The following GPC5 variants were observed in gnomAD, a reference collection of about 807,000 sequenced individuals.
GPC5 encodes glypican-5.
In GPC5, 47 loss-of-function variants were observed where a neutral mutation model predicts 53.9. That is an observed-to-expected ratio of 0.87 (90% CI 0.69 to 1.11). The LOEUF (loss-of-function observed/expected upper bound fraction) is 1.11. Ranked by LOEUF, GPC5 falls within the 50% of genes most tolerant of loss-of-function variation. The pLI, the probability that GPC5 is intolerant of heterozygous loss-of-function variation, is 0.00. For synonymous variants in GPC5, 286 were observed against 263.3 expected (o/e 1.09, Z -0.84); for missense variants, 748 against 713.1 (o/e 1.05, Z -0.56).
chr13:91,663,949 C>T (rs1429537567), intron 2 of GPC5, among the ~76,000 whole-genome samples: 2 of 152,136 alleles, frequency 1.3e-5, no homozygotes, highest in Non-Finnish European at 2.9e-5. Flanking sequence ...GTATCTGGGT[C>T]CACAGGTGCA....
intron 3 of GPC5, among the ~76,000 whole-genome samples, chr13:91,723,863 A>G (rs2036525071): frequency 1.3e-5 from 2 of 152,206 alleles, no homozygotes; most frequent in African/African-American, 4.8e-5. Context: ...AATCTAATGT[A>G]TCTGGGACAT....
intron 7 of GPC5, among the ~76,000 whole-genome samples, chr13:92,626,827 G>T (rs1034417708): frequency 1.3e-5 from 2 of 152,158 alleles, no homozygotes; most frequent in African/African-American, 2.4e-5. Context: ...GTGGTTGAAA[G>T]CTTAGACTTA....
At chr13:92,805,884 C>T (rs1028637622) in intron 7 of GPC5, among the ~76,000 whole-genome samples, 32 of 152,036 alleles carry the variant, frequency 2.1e-4, no homozygotes, top group African/African-American at 7.2e-4. Context: ...TTGTTAAGGG[C>T]CTTAGGATTT....
intron 5 of GPC5, among the ~76,000 whole-genome samples, chr13:91,905,603 C>T (rs1236016287): frequency 1.3e-5 from 2 of 152,048 alleles, no homozygotes; most frequent in Admixed American, 1.3e-4. Context: ...TGATCCACTT[C>T]TTAAAACTGG....
chr13:91,580,838 T>C (rs2032334257), intron 2 of GPC5, among the ~76,000 whole-genome samples: 1 of 152,228 alleles, frequency 6.6e-6, no homozygotes, highest in South Asian at 2.1e-4. Flanking sequence ...TATGTATTAG[T>C]CCATTTTCAC....
intron 2 of GPC5, among the ~76,000 whole-genome samples, chr13:91,532,485 C>A (rs1169699195): frequency 6.6e-6 from 1 of 152,106 alleles, no homozygotes; most frequent in African/African-American, 2.4e-5. Context: ...CCATTTATAT[C>A]AGTTGTTTCA....
intron 6 of GPC5, among the ~76,000 whole-genome samples, chr13:92,024,536 A>G (rs1383705256): frequency 6.6e-6 from 1 of 152,104 alleles, no homozygotes; most frequent in African/African-American, 2.4e-5. Context: ...AACTGTTTCT[A>G]TTCTTATCTC....
chr13:91,798,978 T>C (rs1335864674), intron 5 of GPC5, among the ~76,000 whole-genome samples: 3 of 152,226 alleles, frequency 2.0e-5, no homozygotes, highest in Non-Finnish European at 4.4e-5. Context: ...GGACTTTTTT[T>C]CATATGTTTA....
Position 92,135,145 on chromosome 13 carries a change from C to A in GPC5, c.1402-9685C>A, listed in dbSNP as rs561053284. Among the ~76,000 whole-genome samples, 7 of 152,210 alleles carry A rather than the reference C, an allele frequency of 4.6e-5. No individual in the cohort carries two copies. In the South Asian group the frequency reaches 1.0e-3, roughly 23 times the overall value. On this transcript the variant is annotated intron_variant, in intron 6 of 7. Transcript: ENST00000377067. ...TACTCCTGTCATTGATCTTCTGAAT[C>A]TTTCCAGTGAACTTAACATGGATGT... is the stretch of plus-strand genomic sequence containing the variant.
intron 7 of GPC5, among the ~76,000 whole-genome samples, chr13:92,304,362 G>A (rs1035711725): frequency 4.6e-5 from 7 of 151,740 alleles, no homozygotes; most frequent in East Asian, 1.9e-4. Flanking sequence ...CTGCCACCAC[G>A]CCCGGCTAAT....
At chr13:92,156,326 T>A (rs1395714378) in intron 7 of GPC5, among the ~76,000 whole-genome samples, 1 of 152,238 alleles carries the variant, frequency 6.6e-6, no homozygotes, top group African/African-American at 2.4e-5. Context: ...TTTAGCCTTA[T>A]AACAGAGCCC....
At chr13:91,689,335 CA>C (rs1485049059) in intron 2 of GPC5, among the ~76,000 whole-genome samples, 5 of 147,934 alleles carry the variant, frequency 3.4e-5, no homozygotes, top group African/African-American at 1.2e-4. Context: ...CTAGGTAAGT[CA>C]GTAAGTGAGT....
chr13:91,705,641 A>G (rs2036082854), intron 3 of GPC5, among the ~76,000 whole-genome samples: 1 of 152,024 alleles, frequency 6.6e-6, no homozygotes. Flanking sequence ...GTTTTGGTCT[A>G]AGAATAGGAA....
chr13:92,679,963 G>T (rs944809973), intron 7 of GPC5, among the ~76,000 whole-genome samples: 3 of 139,340 alleles, frequency 2.2e-5, no homozygotes, highest in Non-Finnish European at 4.5e-5. Flanking sequence ...ACTAAGCAGC[G>T]ATCTCTAAGG....
intron 7 of GPC5, among the ~76,000 whole-genome samples, chr13:92,273,901 C>T (rs971939177): frequency 2.6e-5 from 4 of 152,076 alleles, no homozygotes; most frequent in African/African-American, 7.2e-5. Flanking sequence ...ATAACCAAAA[C>T]GATTCCTGTG....
At chr13:92,668,720 G>C (rs1459134211) in intron 7 of GPC5, among the ~76,000 whole-genome samples, 1 of 151,696 alleles carries the variant, frequency 6.6e-6, no homozygotes, top group African/African-American at 2.4e-5. Flanking sequence ...ATAAGTCTGT[G>C]GTCTTCTGTA....
chr13:91,685,722 A>T (rs1330547258), intron 2 of GPC5, among the ~76,000 whole-genome samples: 1 of 152,158 alleles, frequency 6.6e-6, no homozygotes, highest in Non-Finnish European at 1.5e-5. Context: ...GGTTGAATGG[A>T]TGAATGAAAG....
At chr13:92,755,596 GAA>G (rs1157545301) in intron 7 of GPC5, among the ~76,000 whole-genome samples, 1 of 147,254 alleles carries the variant, frequency 6.8e-6, no homozygotes, top group Non-Finnish European at 1.5e-5. Context: ...GACTAATAAA[GAA>G]AAAAAGAGAG....
At chr13:92,128,394 C>A (rs2138957923) in intron 6 of GPC5, among the ~76,000 whole-genome samples, 1 of 152,272 alleles carries the variant, frequency 6.6e-6, no homozygotes, top group South Asian at 2.1e-4. Context: ...TACCTTAGAC[C>A]AACTGACCAA....
Sources: gnomAD v4.1 joint callset for allele counts (sites outside exome capture counted in the v4.1 genomes callset) on GRCh38, gnomAD v4.1.1 for gene constraint, MANE v1.5 for transcripts, NCBI Gene and HGNC (gene_info 2026-07-23, HGNC 2026-07-21) for gene names.